DAB1: variants seen among roughly 807,000 people sequenced by gnomAD.
DAB1 encodes DAB adaptor protein 1.
A neutral mutation model predicts 64.6 loss-of-function variants in DAB1; 15 were observed. That is an observed-to-expected ratio of 0.23 (90% CI 0.16 to 0.36). The LOEUF is 0.36. Among genes scored for constraint, DAB1 ranks in the 10% least tolerant of loss-of-function variants. The pLI is 1.00. For missense variants in DAB1, 596 were observed against 706.7 expected (o/e 0.84, Z 1.78); for synonymous variants, 235 against 251.9 (o/e 0.93, Z 0.64).
At chr1:57,828,710 G>GA (rs1652462581) in intron 1 of DAB1, among the ~76,000 whole-genome samples, 1 of 151,998 alleles carries the variant, frequency 6.6e-6, no homozygotes, top group Admixed American at 6.5e-5. Flanking sequence ...TGACAATCCA[G>GA]AAAAAAAGGA....
intron 5 of DAB1, among the ~76,000 whole-genome samples, chr1:57,931,115 A>G (rs186614077): frequency 2.0e-5 from 3 of 152,166 alleles, no homozygotes; most frequent in East Asian, 1.9e-4. Context: ...TGACCATGTA[A>G]TTTTTCTTCT....
At chr1:58,067,397 C>T (rs1333543002) in intron 5 of DAB1, among the ~76,000 whole-genome samples, 2 of 152,180 alleles carry the variant, frequency 1.3e-5, no homozygotes, top group African/African-American at 4.8e-5. Context: ...ACTACCAGCT[C>T]TGACACCCAG....
At chr1:57,383,013 A>T (rs10493219) in intron 1 of DAB1, among the ~76,000 whole-genome samples, 2 of 151,844 alleles carry the variant, frequency 1.3e-5, no homozygotes, top group African/African-American at 4.8e-5. Flanking sequence ...AAGTATACAG[A>T]AAGTTAGAAG....
chr1:57,954,508 T>C (rs1023201150), intron 5 of DAB1, among the ~76,000 whole-genome samples: 5 of 152,100 alleles, frequency 3.3e-5, no homozygotes, highest in Non-Finnish European at 7.4e-5. Context: ...GCTACGATGG[T>C]AACCCAGTGA....
chr1:58,291,667 G>A (rs960735724), intron 4 of DAB1, among the ~76,000 whole-genome samples: 4 of 152,186 alleles, frequency 2.6e-5, no homozygotes, highest in African/African-American at 7.2e-5. Context: ...GCTTCTTTGT[G>A]TCCTTTTAAT....
chr1:58,015,383 C>G (rs1053740213), intron 5 of DAB1, among the ~76,000 whole-genome samples: 3 of 152,150 alleles, frequency 2.0e-5, no homozygotes, highest in Non-Finnish European at 4.4e-5. Context: ...TCCCCCTCCC[C>G]CTAAACATGA....
At chr1:57,662,203 GT>G (rs1195455231) in intron 6 of DAB1, among the ~76,000 whole-genome samples, 1 of 151,648 alleles carries the variant, frequency 6.6e-6, no homozygotes, top group African/African-American at 2.4e-5. Context: ...TTGTTTGTTT[GT>G]TTGTTTTTGA....
In DAB1 at chr1:57,059,856, G is replaced by A. The variant is rs539115507; in HGVS notation, c.723+3028C>T. On this transcript the variant is annotated intron_variant, in intron 9 of 14. Coordinates refer to ENST00000371236, the MANE Select transcript of DAB1 (RefSeq NM_001365792.1). The stretch of plus-strand genomic sequence containing the variant: ...GCCACCTGTCTCTATACCACAGCCT[G>A]AGGTTTTTACTTCTTACCTCTCTTA... Among the ~76,000 whole-genome samples, 6 of 152,282 alleles carry A rather than the reference G, an allele frequency of 3.9e-5. No individual in the cohort carries two copies. In the South Asian group the frequency reaches 1.2e-3, roughly 32 times the overall value.
intron 3 of DAB1, among the ~76,000 whole-genome samples, chr1:58,348,853 G>C (rs1313034605): frequency 2.6e-5 from 4 of 152,144 alleles, no homozygotes; most frequent in African/African-American, 7.2e-5. Context: ...AATGAACAAA[G>C]GAAGACTTGG....
intron 5 of DAB1, among the ~76,000 whole-genome samples, chr1:57,982,695 T>A (rs1646095825): frequency 1.3e-5 from 2 of 152,318 alleles, no homozygotes; most frequent in Middle Eastern, 3.4e-3. Flanking sequence ...CATAACTAAG[T>A]CGGATGATTC....
intron 5 of DAB1, among the ~76,000 whole-genome samples, chr1:58,132,887 C>T (rs1458394046): frequency 6.6e-6 from 1 of 152,150 alleles, no homozygotes; most frequent in East Asian, 1.9e-4. Flanking sequence ...GATATCAGTT[C>T]TGATATCTGT....
intron 5 of DAB1, among the ~76,000 whole-genome samples, chr1:58,030,862 C>T (rs1308399885): frequency 6.6e-6 from 1 of 152,184 alleles, no homozygotes; most frequent in Admixed American, 6.5e-5. Context: ...ATACATATGA[C>T]TAGGCATGGA....
intron 2 of DAB1, among the ~76,000 whole-genome samples, chr1:57,231,732 T>C (rs995617335): frequency 6.6e-6 from 1 of 152,232 alleles, no homozygotes; most frequent in Non-Finnish European, 1.5e-5. Context: ...TCAAGTTCAC[T>C]TTCTTTTAAT....
intron 5 of DAB1, among the ~76,000 whole-genome samples, chr1:58,036,290 T>C (rs2100492646): frequency 6.6e-6 from 1 of 152,256 alleles, no homozygotes; most frequent in African/African-American, 2.4e-5. Context: ...CTGAGGCACA[T>C]CTAGGTTAAC....
chr1:57,404,169 A>C (rs1007827095), intron 1 of DAB1, among the ~76,000 whole-genome samples: 1 of 152,230 alleles, frequency 6.6e-6, no homozygotes, highest in Admixed American at 6.5e-5. Context: ...CATGTAAAAA[A>C]CTATTAAGGA....
At chr1:58,151,099 A>G (rs1370163597) in intron 4 of DAB1, among the ~76,000 whole-genome samples, 2 of 152,166 alleles carry the variant, frequency 1.3e-5, no homozygotes, top group African/African-American at 4.8e-5. Context: ...TCATTGATGG[A>G]CATTTGGGTT....
intron 4 of DAB1, among the ~76,000 whole-genome samples, chr1:58,300,598 A>T (rs149436995): frequency 2.7e-5 from 1 of 37,614 alleles, no homozygotes; most frequent in African/African-American, 8.9e-5. Flanking sequence ...GAAAGAAAGA[A>T]AGAAAGAAAG....
intron 5 of DAB1, among the ~76,000 whole-genome samples, chr1:57,937,912 C>T (rs925100947): frequency 6.6e-6 from 1 of 152,170 alleles, no homozygotes; most frequent in Admixed American, 6.5e-5. Flanking sequence ...TGCCGGCATG[C>T]CTCTTGGCCA....
chr1:58,172,810 C>T (rs929801158), intron 4 of DAB1, among the ~76,000 whole-genome samples: 1 of 152,198 alleles, frequency 6.6e-6, no homozygotes, highest in Admixed American at 6.5e-5. Context: ...TGGCAGTTGC[C>T]CGAGCCTTAG....
Sources: gnomAD v4.1 joint callset for allele counts (sites outside exome capture counted in the v4.1 genomes callset) on GRCh38, gnomAD v4.1.1 for gene constraint, MANE v1.5 for transcripts, NCBI Gene and HGNC (gene_info 2026-07-23, HGNC 2026-07-21) for gene names.